Variants in STON2 observed in about 807,000 individuals in gnomAD.
STON2 encodes the protein stonin-2.
STON2 carries 29 observed loss-of-function variants against 65.7 expected under a neutral mutation model. The ratio of observed to expected loss-of-function variants is 0.44; its 90% CI spans 0.33 to 0.60. STON2 has a LOEUF of 0.60. STON2 is among the 20% of genes least tolerant of loss of function. STON2 has a pLI of 0.03. For missense variants in STON2, 1,054 were observed against 1,118.1 expected (o/e 0.94, Z 0.82); for synonymous variants, 404 against 414.2 (o/e 0.98, Z 0.30).
intron 2 of STON2, among the ~76,000 whole-genome samples, chr14:81,418,547 A>C (rs1002938319): frequency 6.6e-6 from 1 of 152,226 alleles, no homozygotes; most frequent in Non-Finnish European, 1.5e-5. Flanking sequence ...CTCTTAATAC[A>C]GCTTTGTAAA....
At chr14:81,383,941 T>C (rs1448599775) in intron 3 of STON2, among the ~76,000 whole-genome samples, 5 of 152,186 alleles carry the variant, frequency 3.3e-5, no homozygotes, top group South Asian at 4.2e-4. Context: ...CTGTAACGTT[T>C]CTGCCTCACC....
chr14:81,391,404 G>A (rs75387342), intron 3 of STON2, among the ~76,000 whole-genome samples: 4,084 of 152,300 alleles, frequency 0.027, 193 homozygotes, highest in African/African-American at 0.093. Context: ...TGGAATGACT[G>A]TGTAACTTGG....
At chr14:81,389,086 A>G (rs1445742910) in intron 3 of STON2, among the ~76,000 whole-genome samples, 1 of 152,234 alleles carries the variant, frequency 6.6e-6, no homozygotes, top group East Asian at 1.9e-4. Context: ...CAACATGAAG[A>G]CATCCGATCA....
At chr14:81,311,419 GAGAAA>G (rs1424595176) in intron 5 of STON2, among the ~76,000 whole-genome samples, 1 of 152,132 alleles carries the variant, frequency 6.6e-6, no homozygotes, top group East Asian at 1.9e-4. Flanking sequence ...AAGGGTAAAG[GAGAAA>G]AGAAAAGGCT....
chr14:81,289,445 G>A (rs1423669429), intron 5 of STON2, among the ~76,000 whole-genome samples: 5 of 152,132 alleles, frequency 3.3e-5, no homozygotes, highest in African/African-American at 4.8e-5. Flanking sequence ...GGGAAAGGAC[G>A]CAAACCTTCT....
intron 3 of STON2, among the ~76,000 whole-genome samples, chr14:81,385,693 T>C (rs568307002): frequency 6.6e-6 from 1 of 152,250 alleles, no homozygotes; most frequent in South Asian, 2.1e-4. Context: ...CTGCAGAAGG[T>C]TTCATGTCCA....
intron 4 of STON2, among the ~76,000 whole-genome samples, chr14:81,330,614 A>C (rs1384299532): frequency 6.6e-6 from 1 of 152,200 alleles, no homozygotes; most frequent in East Asian, 1.9e-4. Context: ...ATCTTGCCAA[A>C]GCTCCAAGAG....
intron 5 of STON2, among the ~76,000 whole-genome samples, chr14:81,301,866 T>G (rs1885603): frequency 0.42 from 64,256 of 152,092 alleles, 15,802 homozygotes; most frequent in Non-Finnish European, 0.55. Context: ...TATTGTAGAT[T>G]TGTCAATCTC....
At position 81,264,796 on chromosome 14, in the gene STON2, T is replaced by G; in HGVS notation, c.*3618A>C. 1.0e-6 allele frequency: 1 copy of G among 985,424 alleles called. No individual in the cohort carries two copies. Among genetic ancestry groups the G allele is most frequent in the Admixed American group, 6.1e-5 (1 of 16,282 alleles). 61.0% of individuals were successfully genotyped at this position (985,424 alleles called of 1,614,324 possible). On this transcript the variant is annotated 3_prime_UTR_variant, in exon 8 of 8. Coordinates refer to ENST00000614646, the MANE Select transcript of STON2 (RefSeq NM_001394390.1). ...TTAATATGAATGAAATGCAAACTTT[T>G]GATAAGGAATAACTAGTACTATGTC...
chr14:81,330,198 T>G (rs1897160482), intron 4 of STON2, among the ~76,000 whole-genome samples: 1 of 152,118 alleles, frequency 6.6e-6, no homozygotes, highest in South Asian at 2.1e-4. Flanking sequence ...TCACCCCCTC[T>G]CGGCACCGTG....
intron 4 of STON2, among the ~76,000 whole-genome samples, chr14:81,337,075 A>G (rs1219688114): frequency 6.6e-6 from 1 of 152,190 alleles, no homozygotes; most frequent in Non-Finnish European, 1.5e-5. Flanking sequence ...AAGATAATGT[A>G]TACGAAAGTG....
chr14:81,274,519 T>C (rs547256646), intron 6 of STON2, among the ~76,000 whole-genome samples: 2 of 152,014 alleles, frequency 1.3e-5, no homozygotes, highest in Admixed American at 6.6e-5. Flanking sequence ...TCTCTTCTGG[T>C]AGCAGTCTTT....
chr14:81,350,057 A>G (rs1897964987), intron 4 of STON2, among the ~76,000 whole-genome samples: 1 of 152,166 alleles, frequency 6.6e-6, no homozygotes, highest in East Asian at 1.9e-4. Context: ...GTAGAATCAC[A>G]GTTATCAGAG....
At position 81,359,172 on chromosome 14, in the gene STON2, T is replaced by A. The variant is rs542329215; in HGVS notation, c.571+11816A>T. On this transcript the variant is annotated intron_variant, in intron 4 of 7. Coordinates refer to ENST00000614646, the MANE Select transcript of STON2 (RefSeq NM_001394390.1). ...CAAGTCTTATTAAATTAGAGAAGAC[T>A]GAAATCATATCAAGTGTGTTTTCTG... 3.2e-3 allele frequency among the ~76,000 whole-genome samples: 488 copies of A among 152,306 alleles called. 2 individuals are homozygous for A. The highest frequency in any genetic ancestry group is 0.01 in the African/African-American group (430 of 41,578).
At chr14:81,342,259 T>C (rs150853842) in intron 4 of STON2, among the ~76,000 whole-genome samples, 1,930 of 151,942 alleles carry the variant, frequency 0.013, 43 homozygotes, top group African/African-American at 0.044. Context: ...CTTAGCCTCC[T>C]GAGTAGCTGG....
intron 3 of STON2, among the ~76,000 whole-genome samples, chr14:81,377,030 A>G (rs1899284318): frequency 6.6e-6 from 1 of 152,090 alleles, no homozygotes; most frequent in South Asian, 2.1e-4. Flanking sequence ...GTGTGTGTGT[A>G]TCTAGTTCTA....
intron 4 of STON2, among the ~76,000 whole-genome samples, chr14:81,353,181 T>C (rs1898091215): frequency 6.6e-6 from 1 of 152,308 alleles, no homozygotes; most frequent in Admixed American, 6.5e-5. Context: ...TGGAGATTAT[T>C]GGATAATAGT....
At chr14:81,307,667 AC>A (rs1896235229) in intron 5 of STON2, among the ~76,000 whole-genome samples, 1 of 152,086 alleles carries the variant, frequency 6.6e-6, no homozygotes, top group Non-Finnish European at 1.5e-5. Context: ...ACCCCAGACA[AC>A]CCCTCCTCTT....
intron 4 of STON2, among the ~76,000 whole-genome samples, chr14:81,356,050 T>C (rs568001100): frequency 3.0e-3 from 453 of 152,294 alleles, no homozygotes; most frequent in Middle Eastern, 6.8e-3. Flanking sequence ...CTATGTTGAA[T>C]AGGAGTGGTG....
Sources: gnomAD v4.1 joint callset for allele counts (sites outside exome capture counted in the v4.1 genomes callset) on GRCh38, gnomAD v4.1.1 for gene constraint, MANE v1.5 for transcripts, NCBI Gene and HGNC (gene_info 2026-07-23, HGNC 2026-07-21) for gene names.